The following CADM2 variants were observed in gnomAD, a reference collection of about 807,000 sequenced individuals.
CADM2 encodes cell adhesion molecule 2, also known as immunoglobulin superfamily member 4D.
CADM2 carries 12 observed loss-of-function variants against 49.8 expected under a neutral mutation model. The ratio of observed to expected loss-of-function variants is 0.24; its 90% CI spans 0.15 to 0.39. The LOEUF (loss-of-function observed/expected upper bound fraction) is 0.39. Among genes scored for constraint, CADM2 ranks in the 10% least tolerant of loss-of-function variants. The probability of loss-of-function intolerance (pLI) is 1.00; values close to 1 mark genes in which losing one functional copy is unlikely to be tolerated. For missense variants in CADM2, 378 were observed against 492.3 expected, an observed-to-expected ratio of 0.77 and a Z score of 2.20; for synonymous variants, 214 against 175.4, an observed-to-expected ratio of 1.22 and a Z score of -1.74.
At chr3:85,858,624 A>G (rs931352705) in intron 3 of CADM2, among the ~76,000 whole-genome samples, 37 of 152,252 alleles carry the variant, frequency 2.4e-4, no homozygotes, top group African/African-American at 8.7e-4. Context: ...TGCACCTGCA[A>G]TGATAATAAA....
intron 1 of CADM2, among the ~76,000 whole-genome samples, chr3:85,473,011 A>G (rs1186183430): frequency 6.6e-6 from 1 of 152,066 alleles, no homozygotes; most frequent in East Asian, 1.9e-4. Context: ...TTTCTCTATC[A>G]TATATATGTA....
At chr3:85,962,116 G>A (rs1724909111) in intron 8 of CADM2, among the ~76,000 whole-genome samples, 3 of 151,492 alleles carry the variant, frequency 2.0e-5, no homozygotes, top group Non-Finnish European at 4.4e-5. Context: ...ATGGGCTTTC[G>A]CCATGTTCAC....
At chr3:85,476,503 T>C (rs191835352) in intron 1 of CADM2, among the ~76,000 whole-genome samples, 9 of 151,902 alleles carry the variant, frequency 5.9e-5, no homozygotes, top group African/African-American at 2.2e-4. Context: ...GATGAATACA[T>C]TCAGCCTCTA....
intron 1 of CADM2, among the ~76,000 whole-genome samples, chr3:85,021,866 T>C (rs1029177685): frequency 6.6e-6 from 1 of 152,192 alleles, no homozygotes; most frequent in African/African-American, 2.4e-5. Flanking sequence ...GAAACACGTG[T>C]TATAATCTTA....
intron 1 of CADM2, among the ~76,000 whole-genome samples, chr3:85,163,414 G>T (rs932121031): frequency 2.6e-5 from 4 of 151,994 alleles, no homozygotes; most frequent in Non-Finnish European, 4.4e-5. Context: ...AAGCAGGAAA[G>T]AATTCACTGA....
intron 1 of CADM2, among the ~76,000 whole-genome samples, chr3:85,030,936 G>C (rs1411281559): frequency 1.5e-5 from 2 of 137,272 alleles, no homozygotes; most frequent in African/African-American, 2.6e-5. Flanking sequence ...TTTTATAAAG[G>C]GGGTATTTAC....
Position 85,450,619 on chromosome 3 carries a change from A to C in CADM2, c.62-275903A>C, listed in dbSNP as rs1576579205. On this transcript the variant is annotated intron_variant, in intron 1 of 9. Coordinates refer to ENST00000383699, the MANE Select transcript of CADM2 (RefSeq NM_001167675.2). ...TGAAATGAAAAAATATATTTTCATA[A>C]ATTTTTGTATTTTGCTCCTGTGAAA... is the stretch of plus-strand genomic sequence containing the variant. 2.0e-5 allele frequency among the ~76,000 whole-genome samples: 3 copies of C among 152,140 alleles called. No individual in the cohort carries two copies. In the East Asian group the frequency reaches 5.8e-4, roughly 29 times the overall value.
At chr3:85,322,135 C>T (rs1053314361) in intron 1 of CADM2, among the ~76,000 whole-genome samples, 1 of 152,070 alleles carries the variant, frequency 6.6e-6, no homozygotes, top group Admixed American at 6.6e-5. Context: ...TTCAAATAAC[C>T]AACAGTCCCA....
intron 1 of CADM2, among the ~76,000 whole-genome samples, chr3:85,076,303 T>TTTGTGTGTGTG (rs760904086): frequency 7.2e-6 from 1 of 139,256 alleles, no homozygotes; most frequent in Non-Finnish European, 1.5e-5. Flanking sequence ...AAAAAAGAAA[T>TTTGTGTGTGTG]TGTGTGTGTG....
intron 1 of CADM2, among the ~76,000 whole-genome samples, chr3:85,052,522 C>T (rs953771555): frequency 6.6e-6 from 1 of 151,950 alleles, no homozygotes; most frequent in East Asian, 1.9e-4. Context: ...GCAAAATATG[C>T]CACACTCTCA....
chr3:85,253,285 AT>A lies in CADM2; in HGVS notation c.61+293618del, dbSNP rs1351483603. Among the ~76,000 whole-genome samples the A allele has an allele frequency of 3.9e-5, 6 of 152,204 alleles. No homozygotes were observed. The East Asian group carries it at 1.2e-3, about 29-fold the overall frequency. The stretch of plus-strand genomic sequence containing the variant: ...GTGCATACATACAACTATCTTTAAA[AT>A]CAAAGTTATTATTGTGTGATTATGA... On this transcript the variant is annotated intron_variant, in intron 1 of 9. Transcript: ENST00000383699.
intron 1 of CADM2, among the ~76,000 whole-genome samples, chr3:85,151,813 G>T (rs910406075): frequency 4.6e-5 from 7 of 152,130 alleles, no homozygotes; most frequent in African/African-American, 7.2e-5. Context: ...CTGGCTTCTT[G>T]CTGTTCTTCA....
At chr3:85,714,979 A>G (rs2067239939) in intron 1 of CADM2, among the ~76,000 whole-genome samples, 1 of 152,132 alleles carries the variant, frequency 6.6e-6, no homozygotes, top group African/African-American at 2.4e-5. Context: ...ACAGAGTCCA[A>G]TCATTATCGT....
At position 85,514,713 on chromosome 3, in the gene CADM2, A is replaced by G. The variant is rs550845466; in HGVS notation, c.62-211809A>G. ...CTCTCATGAGTTGCTCCTTAAAGGG[A>G]CATTCTTAATTGCTTTTATAATCTC... On this transcript the variant is annotated intron_variant, in intron 1 of 9. Coordinates refer to ENST00000383699, the MANE Select transcript of CADM2 (RefSeq NM_001167675.2). 7.9e-5 allele frequency among the ~76,000 whole-genome samples: 12 copies of G among 152,212 alleles called. No individual in the cohort carries two copies. In the East Asian group the frequency reaches 1.7e-3, roughly 22 times the overall value.
At chr3:85,914,438 C>A (rs1414684177) in intron 6 of CADM2, among the ~76,000 whole-genome samples, 2 of 151,996 alleles carry the variant, frequency 1.3e-5, no homozygotes, top group Non-Finnish European at 1.5e-5. Flanking sequence ...TTTCTTACAT[C>A]AGTGGGTCTC....
At chr3:85,193,627 A>G (rs771016465) in intron 1 of CADM2, among the ~76,000 whole-genome samples, 7 of 151,974 alleles carry the variant, frequency 4.6e-5, no homozygotes, top group Non-Finnish European at 8.8e-5. Context: ...TTAGCAATGG[A>G]TAGAGGGTCT....
intron 1 of CADM2, among the ~76,000 whole-genome samples, chr3:85,410,473 T>A (rs147743587): frequency 2.1e-4 from 32 of 152,284 alleles, no homozygotes; most frequent in African/African-American, 7.5e-4. Context: ...ATATTTGCCA[T>A]TTGTGTGTAA....
Position 86,073,391 on chromosome 3 carries a change from T to C in CADM2, c.*6608T>C, listed in dbSNP as rs1241152351. On this transcript the variant is annotated 3_prime_UTR_variant, in exon 10 of 10. Transcript: ENST00000383699. ...ACAGAAAATAGAGAAACACAGTTAT[T>C]GAATCTACTCTTGTCATTAACATTT... 6.6e-6 allele frequency: 1 copy of C among 152,072 alleles called. No individual in the cohort carries two copies. The highest frequency in any genetic ancestry group is 1.5e-5 in the Non-Finnish European group (1 of 67,942). 9.4% of individuals were successfully genotyped at this position (152,072 alleles called of 1,614,324 possible). A position where few individuals can be genotyped will look rare whatever the true frequency, so the allele number is the denominator to read the frequency against.
At chr3:86,055,473 T>TTTTG (rs1737827783) in intron 8 of CADM2, among the ~76,000 whole-genome samples, 2 of 126,988 alleles carry the variant, frequency 1.6e-5, no homozygotes, top group East Asian at 2.4e-4. Context: ...TTTTTTTTTT[T>TTTTG]TTTTTTGGTT....
Sources: allele counts gnomAD v4.1 joint callset (sites outside exome capture counted in the v4.1 genomes callset), GRCh38; gene constraint gnomAD v4.1.1; transcripts MANE v1.5; gene names NCBI Gene and HGNC (gene_info 2026-07-23, HGNC 2026-07-21).